RNF130: variants seen among roughly 807,000 people sequenced by gnomAD.
RNF130 encodes ring finger protein 130, also known as E3 ubiquitin-protein ligase RNF130.
RNF130 carries 21 observed loss-of-function variants against 44.6 expected under a neutral mutation model. The observed-to-expected ratio is 0.47, with a 90% confidence interval of 0.33 to 0.68. The LOEUF (loss-of-function observed/expected upper bound fraction) is 0.68. Among genes scored for constraint, RNF130 ranks in the 30% least tolerant of loss-of-function variants. The probability of loss-of-function intolerance (pLI) is 0.02; values close to 1 mark genes in which losing one functional copy is unlikely to be tolerated. For synonymous variants in RNF130, 214 were observed against 210.4 expected (o/e 1.02, Z -0.15); for missense variants, 479 against 560.6 (o/e 0.85, Z 1.47).
chr5:180,043,211 G>C (rs1764468521), intron 1 of RNF130, among the ~76,000 whole-genome samples: 2 of 152,144 alleles, frequency 1.3e-5, no homozygotes, highest in African/African-American at 4.8e-5. Flanking sequence ...TGTAGTCCCA[G>C]CTACTCAGGA....
intron 7 of RNF130, among the ~76,000 whole-genome samples, chr5:179,922,362 G>C (rs1175351505): frequency 6.6e-6 from 1 of 151,920 alleles, no homozygotes; most frequent in Admixed American, 6.6e-5. Flanking sequence ...GCCCAGGCTG[G>C]TGTGCAATGG....
At chr5:179,991,188 G>T (rs1763075325) in intron 3 of RNF130, among the ~76,000 whole-genome samples, 1 of 152,128 alleles carries the variant, frequency 6.6e-6, no homozygotes, top group South Asian at 2.1e-4. Context: ...GTCTGATGGA[G>T]CTTCCCTTAT....
exon 8 of RNF130, chr5:179,918,348 G>A (rs1297624080): frequency 6.6e-6 from 1 of 152,230 alleles, no homozygotes; most frequent in African/African-American, 2.4e-5. Context: ...TAAAGAAACT[G>A]TCTTGAGTGG....
intron 1 of RNF130, among the ~76,000 whole-genome samples, chr5:180,070,146 T>C (rs755675298): frequency 1.3e-5 from 2 of 152,238 alleles, no homozygotes; most frequent in African/African-American, 2.4e-5. Flanking sequence ...CCATTGTTAG[T>C]TGCCAGTCTG....
intron 1 of RNF130, among the ~76,000 whole-genome samples, chr5:180,055,116 G>T (rs1764776558): frequency 6.6e-6 from 1 of 151,726 alleles, no homozygotes; most frequent in Non-Finnish European, 1.5e-5. Context: ...GCCAAGGCGG[G>T]CAGATCTCAT....
At chr5:179,930,161 G>A (rs1339389931) in intron 7 of RNF130, among the ~76,000 whole-genome samples, 13 of 152,148 alleles carry the variant, frequency 8.5e-5, no homozygotes, top group East Asian at 3.9e-4. Flanking sequence ...GGGTTCAAGC[G>A]ATTCTCCTGC....
chr5:180,001,600 T>C (rs1763345852), intron 3 of RNF130, among the ~76,000 whole-genome samples: 1 of 152,068 alleles, frequency 6.6e-6, no homozygotes. Context: ...TTCAGGAACA[T>C]GAGTCAGCAG....
In RNF130 at chr5:179,966,820, T is replaced by C. The variant is rs765043589; in HGVS notation, c.1136A>G (p.Asn379Ser). 2 of 1,613,898 alleles carry C rather than the reference T, an allele frequency of 1.2e-6. No homozygotes were observed. Among genetic ancestry groups the C allele is most frequent in the East Asian group, 2.2e-5 (1 of 44,876 alleles). Residue 379 changes from asparagine (N) to serine (S), a missense_variant, in exon 7 of 9, where the codon AAC becomes AGC. This residue lies in a region of RNF130 where 161 missense variants were observed against 158.6 expected (regional missense o/e 1.02). Coordinates refer to ENST00000521389, the MANE Select transcript of RNF130 (RefSeq NM_018434.6). Reference sequence around the variant, plus strand: ...CCCCCACTTACTTGTTACTGCAATGTTGATTTCTCCTGTTCTCGGAGTGAG... The same window carrying C: ...CCCCCACTTACTTGTTACTGCAATGCTGATTTCTCCTGTTCTCGGAGTGAG... ...GELTPRTGEI[N>S]IAVTKEWFII...
At chr5:180,037,911 A>G (rs1404061188) in intron 2 of RNF130, among the ~76,000 whole-genome samples, 2 of 152,126 alleles carry the variant, frequency 1.3e-5, no homozygotes, top group Non-Finnish European at 2.9e-5. Flanking sequence ...CTTACCTTCC[A>G]CTTCCTAAAT....
intron 3 of RNF130, among the ~76,000 whole-genome samples, chr5:179,993,397 CT>C (rs1369074831): frequency 6.6e-6 from 1 of 152,202 alleles, no homozygotes; most frequent in African/African-American, 2.4e-5. Context: ...TGTTTCCTAA[CT>C]TTTTAACAAT....
chr5:180,071,734 C>G lies in RNF130; in HGVS notation c.-32G>C, dbSNP rs1288555741. The G allele has an allele frequency of 2.5e-6, 3 of 1,190,228 alleles. No individual in the cohort carries two copies. The allele number at this position is 1,190,228 out of a possible 1,614,324, so 73.7% of individuals were successfully genotyped here. On this transcript the variant is annotated 5_prime_UTR_variant, in exon 1 of 9. Coordinates refer to ENST00000521389, the MANE Select transcript of RNF130 (RefSeq NM_018434.6). The stretch of plus-strand genomic sequence containing the variant: ...TCCGGCAGCCGCCGCTGCTCGCGGA[C>G]CGGGCTCCGGGGCCGGCGCCTAGAG...
At chr5:180,039,878 A>G (rs1318581606) in intron 2 of RNF130, among the ~76,000 whole-genome samples, 23 of 152,208 alleles carry the variant, frequency 1.5e-4, no homozygotes, top group Non-Finnish European at 3.4e-4. Flanking sequence ...GAGAACATAC[A>G]TCATGCATGG....
intron 3 of RNF130, among the ~76,000 whole-genome samples, chr5:180,007,104 A>G (rs1005666180): frequency 6.6e-6 from 1 of 152,220 alleles, no homozygotes; most frequent in Non-Finnish European, 1.5e-5. Context: ...CTGCTTCATG[A>G]TAACAGTTTG....
At chr5:179,994,754 C>T (rs1255168714) in intron 3 of RNF130, among the ~76,000 whole-genome samples, 2 of 152,170 alleles carry the variant, frequency 1.3e-5, no homozygotes, top group East Asian at 1.9e-4. Flanking sequence ...TTCCCAAGTG[C>T]TGTGCACTTA....
chr5:179,946,680 A>C lies in RNF130; in HGVS notation c.1150+20126T>G, dbSNP rs983155765. On this transcript the variant is annotated intron_variant, in intron 7 of 7. Transcript: ENST00000522208. Reference sequence around the variant, plus strand: ...GCCATTCTCCTGCCTCAGCCTCCCGAGTAGCTGGGACTACAGGCGCCCGCC... The same window carrying C: ...GCCATTCTCCTGCCTCAGCCTCCCGCGTAGCTGGGACTACAGGCGCCCGCC... Among the ~76,000 whole-genome samples, 4 of 151,770 alleles carry C rather than the reference A, an allele frequency of 2.6e-5. No homozygotes were observed. The South Asian group carries it at 6.2e-4, about 24-fold the overall frequency.
intron 1 of RNF130, among the ~76,000 whole-genome samples, chr5:180,044,508 A>G (rs1271778795): frequency 6.6e-6 from 1 of 152,162 alleles, no homozygotes; most frequent in Non-Finnish European, 1.5e-5. Context: ...GAGAGATACA[A>G]TGTGGCAAAC....
intron 5 of RNF130, among the ~76,000 whole-genome samples, chr5:179,974,470 T>C (rs552505408): frequency 6.6e-6 from 1 of 152,176 alleles, no homozygotes; most frequent in African/African-American, 2.4e-5. Context: ...CCAACTGCCA[T>C]CTGTCCACAG....
At chr5:179,929,749 A>AG (rs912989070) in intron 7 of RNF130, among the ~76,000 whole-genome samples, 1 of 150,722 alleles carries the variant, frequency 6.6e-6, no homozygotes, top group African/African-American at 2.4e-5. Flanking sequence ...CTGTGTCTCA[A>AG]AAAAAAAAAA....
chr5:179,999,152 G>C (rs1763275279), intron 3 of RNF130, among the ~76,000 whole-genome samples: 1 of 151,728 alleles, frequency 6.6e-6, no homozygotes, highest in Admixed American at 6.6e-5. Context: ...CTCCCGAGTA[G>C]CTGGGATTAC....
Sources: gnomAD v4.1 joint callset for allele counts (sites outside exome capture counted in the v4.1 genomes callset) on GRCh38, gnomAD v4.1.1 for gene constraint, gnomAD v4.1.1 regional missense constraint, MANE v1.5 for transcripts, NCBI Gene and HGNC (gene_info 2026-07-23, HGNC 2026-07-21) for gene names.